The following GLYATL3 variants were observed in gnomAD, a reference collection of about 807,000 sequenced individuals.
GLYATL3 encodes glycine-N-acyltransferase like 3.
GLYATL3 carries 31 observed loss-of-function variants against 28.5 expected under a neutral mutation model. The ratio of observed to expected loss-of-function variants is 1.09; its 90% CI spans 0.82 to 1.47. The LOEUF is 1.47. Ranked by LOEUF, GLYATL3 falls within the 40% of genes most tolerant of loss-of-function variation. The probability of loss-of-function intolerance (pLI) is 0.00; values close to 1 mark genes in which losing one functional copy is unlikely to be tolerated. For synonymous variants in GLYATL3, 141 were observed against 140.2 expected, an observed-to-expected ratio of 1.01 and a Z score of -0.04; for missense variants, 369 against 351.5, an observed-to-expected ratio of 1.05 and a Z score of -0.40.
chr6:49,505,783 GAA>G (rs1357224632), intron 1 of GLYATL3, among the ~76,000 whole-genome samples: 5 of 152,168 alleles, frequency 3.3e-5, no homozygotes, highest in Admixed American at 6.5e-5. Flanking sequence ...AAGATATATT[GAA>G]AGAGTCTTAG....
chr6:49,514,674 A>C (rs1769181727), intron 2 of GLYATL3, among the ~76,000 whole-genome samples: 1 of 151,700 alleles, frequency 6.6e-6, no homozygotes, highest in South Asian at 2.1e-4. Flanking sequence ...CTACAAAAAA[A>C]ATTTTTTTAA....
intron 1 of GLYATL3, among the ~76,000 whole-genome samples, chr6:49,508,561 T>C (rs1769057559): frequency 1.3e-5 from 2 of 152,246 alleles, no homozygotes; most frequent in East Asian, 3.9e-4. Flanking sequence ...CAGGTGCCCC[T>C]CATGCATCCG....
In GLYATL3 at chr6:49,526,476, ATTCTGGTC is replaced by A. The variant is rs1416337837; in HGVS notation, c.441-10_441-3del. 6 of 1,547,202 alleles carry A rather than the reference ATTCTGGTC, an allele frequency of 3.9e-6. No individual in the cohort carries two copies. In the Admixed American group the frequency reaches 1.2e-4, roughly 31 times the overall value. On this transcript the variant is annotated splice_region_variant and splice_polypyrimidine_tract_variant and intron_variant, in intron 5 of 5. Coordinates refer to ENST00000371197, the MANE Select transcript of GLYATL3 (RefSeq NM_001010904.2). ...CTGAGGTCCTATTTGTTTTTGTGTC[ATTCTGGTC>A]TAGCAAGGGGCCTTCCCCACGACTA...
Sources: allele counts gnomAD v4.1 joint callset (sites outside exome capture counted in the v4.1 genomes callset), GRCh38; gene constraint gnomAD v4.1.1; transcripts MANE v1.5; gene names NCBI Gene and HGNC (gene_info 2026-07-23, HGNC 2026-07-21).